PPP2R2B: variants seen among roughly 807,000 people sequenced by gnomAD.
PPP2R2B encodes the protein protein phosphatase 2 regulatory subunit Bbeta.
PPP2R2B carries 5 observed loss-of-function variants against 46.0 expected under a neutral mutation model. The ratio of observed to expected loss-of-function variants is 0.11; its 90% confidence interval spans 0.06 to 0.23. The LOEUF (loss-of-function observed/expected upper bound fraction) is 0.23. Among genes scored for constraint, PPP2R2B ranks in the 10% least tolerant of loss-of-function variants. PPP2R2B has a pLI of 1.00. For synonymous variants in PPP2R2B, 215 were observed against 206.7 expected (o/e 1.04, Z -0.34); for missense variants, 367 against 575.0 (o/e 0.64, Z 3.70).
At chr5:146,629,666 C>T (rs1309868931) in intron 7 of PPP2R2B, among the ~76,000 whole-genome samples, 2 of 152,158 alleles carry the variant, frequency 1.3e-5, no homozygotes, top group East Asian at 3.8e-4. Flanking sequence ...TCTCAATGAT[C>T]TAGACCCAGC....
At chr5:146,694,056 T>C (rs1581892509) in intron 4 of PPP2R2B, among the ~76,000 whole-genome samples, 6 of 152,296 alleles carry the variant, frequency 3.9e-5, no homozygotes, top group Admixed American at 3.9e-4. Flanking sequence ...AAGCAGGAGA[T>C]GTGGATCACA....
chr5:146,782,731 C>G (rs1414620825), intron 2 of PPP2R2B, among the ~76,000 whole-genome samples: 1 of 151,896 alleles, frequency 6.6e-6, no homozygotes, highest in East Asian at 1.9e-4. Context: ...TGGTGACCAC[C>G]TTGGTTTCTG....
chr5:147,051,617 G>A (rs546233901), intron 1 of PPP2R2B, among the ~76,000 whole-genome samples: 1 of 152,088 alleles, frequency 6.6e-6, no homozygotes, highest in Non-Finnish European at 1.5e-5. Context: ...GTCCCTTTAG[G>A]AAAAGAAAGC....
intron 1 of PPP2R2B, among the ~76,000 whole-genome samples, chr5:146,979,623 G>T (rs1753074352): frequency 6.6e-6 from 1 of 151,064 alleles, no homozygotes; most frequent in African/African-American, 2.4e-5. Context: ...ATCCACAGGG[G>T]ATACGTTCCA....
intron 5 of PPP2R2B, among the ~76,000 whole-genome samples, chr5:146,664,227 T>C (rs1776843268): frequency 6.6e-6 from 1 of 152,240 alleles, no homozygotes; most frequent in African/African-American, 2.4e-5. Flanking sequence ...TAGCATATTA[T>C]GGTGTTTGAC....
chr5:146,593,580 G>A (rs916961930), intron 8 of PPP2R2B, among the ~76,000 whole-genome samples: 2 of 152,192 alleles, frequency 1.3e-5, no homozygotes, highest in East Asian at 1.9e-4. Flanking sequence ...TGTCGGGGGT[G>A]TATTATTTTA....
chr5:146,634,085 G>C (rs924872398), intron 7 of PPP2R2B, among the ~76,000 whole-genome samples: 3 of 152,198 alleles, frequency 2.0e-5, no homozygotes, highest in Non-Finnish European at 4.4e-5. Flanking sequence ...GGGTGTTTCT[G>C]TAAAGGTGTT....
intron 2 of PPP2R2B, among the ~76,000 whole-genome samples, chr5:147,064,065 C>G (rs1757348894): frequency 6.6e-6 from 1 of 152,198 alleles, no homozygotes; most frequent in African/African-American, 2.4e-5. Flanking sequence ...CTGGGCGTGT[C>G]ACACTGCTCA....
At chr5:146,744,274 A>T (rs1257271554) in intron 2 of PPP2R2B, among the ~76,000 whole-genome samples, 2 of 152,184 alleles carry the variant, frequency 1.3e-5, no homozygotes, top group Non-Finnish European at 2.9e-5. Flanking sequence ...TACTTCAGCC[A>T]CACCCCAGAT....
chr5:146,847,440 A>G (rs551350469), intron 2 of PPP2R2B, among the ~76,000 whole-genome samples: 5 of 151,806 alleles, frequency 3.3e-5, no homozygotes, highest in South Asian at 4.2e-4. Context: ...CACATCCATT[A>G]CTCTCCTTTT....
chr5:146,662,164 A>C (rs1227832282), intron 5 of PPP2R2B, among the ~76,000 whole-genome samples: 1 of 152,188 alleles, frequency 6.6e-6, no homozygotes, highest in African/African-American at 2.4e-5. Context: ...GAATATACAG[A>C]ACCAAGAAGA....
chr5:146,590,059 T>A lies in PPP2R2B; in HGVS notation c.1220A>T (p.Asp407Val). 1 of 1,614,192 alleles carries A rather than the reference T, an allele frequency of 6.2e-7. No individual in the cohort carries two copies. Among genetic ancestry groups the A allele is most frequent in the Non-Finnish European group, 8.5e-7 (1 of 1,180,046 alleles). ...GATCTTTTTGCTAAAGTCCAGACTG[T>A]CGACACTGATCTCGTCTTTTCTCCG... The part of the protein sequence containing the change: ...GKRRKDEISV[D>V]SLDFSKKILH... The change falls in exon 10 of 10, where the codon GAC becomes GTC. Residue 407 changes from aspartate (D) to valine (V), a missense_variant. By Grantham distance (152) the Asp-to-Val change is radical. Transcript: ENST00000394411.
In PPP2R2B at chr5:147,077,507, C is replaced by T. The variant is rs111823208; in HGVS notation, c.50+3552G>A. Among the ~76,000 whole-genome samples, 1,144 of 152,186 alleles carry T rather than the reference C, an allele frequency of 7.5e-3. 12 individuals are homozygous for T. Among genetic ancestry groups the T allele is most frequent in the African/African-American group, 0.026 (1,091 of 41,504 alleles). On this transcript the variant is annotated intron_variant, in intron 2 of 10. Transcript: ENST00000394413. ...GGGAAAGCTGAATAATTTTTATTGA[C>T]TTTGAGCGTATAGAAAATTAGGGTA...
chr5:146,874,770 A>G (rs1761802857), intron 2 of PPP2R2B, among the ~76,000 whole-genome samples: 2 of 152,128 alleles, frequency 1.3e-5, no homozygotes, highest in South Asian at 4.1e-4. Context: ...AAACCCACAT[A>G]TAGAGAGATT....
At chr5:146,691,089 C>G in intron 5 of PPP2R2B, 39 bp downstream of exon 5, 1 of 1,565,742 alleles carries the variant, frequency 6.4e-7, no homozygotes, top group Non-Finnish European at 8.8e-7. Flanking sequence ...AGGAGACCTG[C>G]CCCTGACTGT....
At chr5:146,933,045 A>G (rs148019802) in intron 1 of PPP2R2B, among the ~76,000 whole-genome samples, 1,997 of 152,266 alleles carry the variant, frequency 0.013, 36 homozygotes, top group African/African-American at 0.046. Flanking sequence ...GAATTATATC[A>G]TATGCTGTTT....
Position 146,591,149 on chromosome 5 carries a change from T to TG in PPP2R2B, c.1053-924dup, listed in dbSNP as rs142995355. Among the ~76,000 whole-genome samples, 1,254 of 151,322 alleles carry TG rather than the reference T, an allele frequency of 8.3e-3. 21 individuals carry two copies. Among genetic ancestry groups the TG allele is most frequent in the African/African-American group, 0.029 (1,194 of 41,256 alleles). On this transcript the variant is annotated intron_variant, in intron 9 of 9. Coordinates refer to ENST00000394411, the MANE Select transcript of PPP2R2B (RefSeq NM_181675.4). ...CCATCACACGGTGGTTCCCCTGGAGTGGGGGGCTCCTACTCATTTCTGGGT... is the reference window on the plus strand; with the variant it reads ...CCATCACACGGTGGTTCCCCTGGAGTGGGGGGGCTCCTACTCATTTCTGGGT...
rs115525692 is a variant in PPP2R2B, at chr5:146,796,945, T to C, written c.70+81057A>G. On this transcript the variant is annotated intron_variant, in intron 2 of 9. Coordinates refer to ENST00000394411, the MANE Select transcript of PPP2R2B (RefSeq NM_181675.4). ...GGCAATGAGAAGAATCAGCTTGATT[T>C]CACCAGCCTGTAACTCCATCCCATA... Among the ~76,000 whole-genome samples, 217 of 152,326 alleles carry C rather than the reference T, an allele frequency of 1.4e-3. 2 individuals are homozygous for C. Among genetic ancestry groups the C allele is most frequent in the African/African-American group, 5.1e-3 (210 of 41,578 alleles).
chr5:146,999,231 A>C (rs1365102232), intron 1 of PPP2R2B, among the ~76,000 whole-genome samples: 1 of 152,142 alleles, frequency 6.6e-6, no homozygotes, highest in Non-Finnish European at 1.5e-5. Context: ...TCTACAGTAG[A>C]ATAAAGATAT....
Sources: gnomAD v4.1 joint callset for allele counts (sites outside exome capture counted in the v4.1 genomes callset) on GRCh38, gnomAD v4.1.1 for gene constraint, MANE v1.5 for transcripts, NCBI Gene and HGNC (gene_info 2026-07-23, HGNC 2026-07-21) for gene names.